KLHL32: variants seen among roughly 807,000 people sequenced by gnomAD.
KLHL32 encodes the protein kelch like family member 32, also known as kelch-like protein 32.
A neutral mutation model predicts 64.8 loss-of-function variants in KLHL32; 35 were observed. The ratio of observed to expected loss-of-function variants is 0.54; its 90% CI spans 0.41 to 0.72. The LOEUF (loss-of-function observed/expected upper bound fraction) is 0.72. Ranked by LOEUF, KLHL32 falls within the 30% of genes least tolerant of loss-of-function variation. The probability of loss-of-function intolerance (pLI) is 0.00; values close to 1 mark genes in which losing one functional copy is unlikely to be tolerated. For synonymous variants in KLHL32, 259 were observed against 281.0 expected (o/e 0.92, Z 0.78); for missense variants, 589 against 768.5 (o/e 0.77, Z 2.76).
the KLHL32 span, among the ~76,000 whole-genome samples, chr6:96,912,127 C>G: frequency 0.2 from 31,090 of 151,894 alleles, 3,676 homozygotes; most frequent in East Asian, 0.35. Flanking sequence ...TCTCCTGTGT[C>G]CCTTAGCTCA....
At chr6:97,017,693 T>G (rs897511674) in intron 3 of KLHL32, among the ~76,000 whole-genome samples, 2 of 152,146 alleles carry the variant, frequency 1.3e-5, no homozygotes, top group Non-Finnish European at 2.9e-5. Context: ...GGCTTGGAAA[T>G]TCTTCTCAGC....
intron 5 of KLHL32, among the ~76,000 whole-genome samples, chr6:97,075,195 C>T (rs550733112): frequency 1.2e-4 from 18 of 152,236 alleles, no homozygotes; most frequent in Middle Eastern, 3.4e-3. Flanking sequence ...TGCAAGACTC[C>T]AAAAATTAGA....
At chr6:96,949,859 T>C (rs1348942206) in intron 1 of KLHL32, among the ~76,000 whole-genome samples, 1 of 152,142 alleles carries the variant, frequency 6.6e-6, no homozygotes, top group Admixed American at 6.6e-5. Context: ...CACTAATAAC[T>C]GGAATTAAAT....
the KLHL32 span, among the ~76,000 whole-genome samples, chr6:96,917,271 G>C: frequency 6.6e-6 from 1 of 152,122 alleles, no homozygotes; most frequent in African/African-American, 2.4e-5. Flanking sequence ...CTTCCTCCCT[G>C]TCACTTCCTC....
chr6:97,001,682 A>G (rs1333271227), intron 3 of KLHL32, among the ~76,000 whole-genome samples: 1 of 152,190 alleles, frequency 6.6e-6, no homozygotes, highest in African/African-American at 2.4e-5. Flanking sequence ...ATTGCCCAAT[A>G]CTGAACTATT....
At chr6:96,911,849 T>TTTTTTTTTTTTTTTTC in the KLHL32 span, among the ~76,000 whole-genome samples, 1 of 107,712 alleles carries the variant, frequency 9.3e-6, no homozygotes, top group African/African-American at 2.9e-5. Flanking sequence ...TTTTTTTTTT[T>TTTTTTTTTTTTTTTTC]TTGGCAGCTG....
intron 3 of KLHL32, among the ~76,000 whole-genome samples, chr6:96,996,005 T>TAGCAA (rs1778380051): frequency 2.0e-5 from 3 of 152,198 alleles, no homozygotes; most frequent in Non-Finnish European, 4.4e-5. Context: ...GCAAGAGAAA[T>TAGCAA]GAGGGGCCTC....
chr6:96,986,281 T>G (rs1297625174), intron 3 of KLHL32, among the ~76,000 whole-genome samples: 2 of 152,096 alleles, frequency 1.3e-5, no homozygotes, highest in Non-Finnish European at 2.9e-5. Context: ...AGTCTGCCCC[T>G]AATGGGGGGG....
At chr6:96,987,143 A>G (rs981258316) in intron 3 of KLHL32, among the ~76,000 whole-genome samples, 2 of 151,906 alleles carry the variant, frequency 1.3e-5, no homozygotes, top group Non-Finnish European at 2.9e-5. Flanking sequence ...AATTTTGTTG[A>G]TCTTTTCAAA....
intron 10 of KLHL32, among the ~76,000 whole-genome samples, chr6:97,137,284 A>T (rs933220144): frequency 6.6e-6 from 1 of 152,224 alleles, no homozygotes; most frequent in Non-Finnish European, 1.5e-5. Flanking sequence ...ACAACTGTAA[A>T]TGTGACACTG....
Position 96,990,419 on chromosome 6 carries a change from G to T in KLHL32, c.204+14242G>T, listed in dbSNP as rs554175957. Reference sequence around the variant, plus strand: ...CAGTAAATGGTGCTTAAGTATAATGGTAAGTTCTTGCTCAACCACGTGGCT... The same window carrying T: ...CAGTAAATGGTGCTTAAGTATAATGTTAAGTTCTTGCTCAACCACGTGGCT... On this transcript the variant is annotated intron_variant, in intron 3 of 10. Transcript: ENST00000369261. Among the ~76,000 whole-genome samples, 7 of 152,296 alleles carry T rather than the reference G, an allele frequency of 4.6e-5. No individual in the cohort carries two copies. The South Asian group carries it at 1.2e-3, about 27-fold the overall frequency.
At chr6:97,031,968 C>A (rs1458111004) in intron 3 of KLHL32, among the ~76,000 whole-genome samples, 2 of 152,164 alleles carry the variant, frequency 1.3e-5, no homozygotes, top group Non-Finnish European at 2.9e-5. Flanking sequence ...CTATGTGCCA[C>A]ATATTATGCC....
At chr6:96,965,543 C>G (rs932460424) in intron 1 of KLHL32, among the ~76,000 whole-genome samples, 3 of 152,202 alleles carry the variant, frequency 2.0e-5, no homozygotes, top group Non-Finnish European at 2.9e-5. Context: ...TTTAAAAACA[C>G]TGGACTTTCA....
chr6:97,013,440 G>A (rs1780677122), intron 3 of KLHL32, among the ~76,000 whole-genome samples: 1 of 152,108 alleles, frequency 6.6e-6, no homozygotes, highest in African/African-American at 2.4e-5. Context: ...TAATATAAGT[G>A]GCAGTGCTTA....
intron 4 of KLHL32, among the ~76,000 whole-genome samples, chr6:97,044,232 G>T (rs1401524802): frequency 6.6e-6 from 1 of 151,954 alleles, no homozygotes; most frequent in Non-Finnish European, 1.5e-5. Flanking sequence ...TGCTTTTTCT[G>T]AATCTATTCA....
At chr6:96,902,769 G>A in the KLHL32 span, among the ~76,000 whole-genome samples, 4 of 152,194 alleles carry the variant, frequency 2.6e-5, no homozygotes, top group African/African-American at 9.6e-5. Context: ...TCTGTGTATG[G>A]TGTAAGGAAG....
At chr6:97,117,117 C>T (rs1049311083) in intron 7 of KLHL32, among the ~76,000 whole-genome samples, 1 of 152,162 alleles carries the variant, frequency 6.6e-6, no homozygotes, top group African/African-American at 2.4e-5. Context: ...TGAATCTAAA[C>T]ATGAATAGGG....
chr6:97,061,686 C>T (rs1582890646), intron 4 of KLHL32, among the ~76,000 whole-genome samples: 2 of 152,176 alleles, frequency 1.3e-5, no homozygotes, highest in Admixed American at 6.5e-5. Context: ...TTAAATGCAG[C>T]TGTCTTAGTT....
chr6:97,051,062 T>A (rs2128136196), intron 4 of KLHL32, among the ~76,000 whole-genome samples: 1 of 152,316 alleles, frequency 6.6e-6, no homozygotes, highest in East Asian at 1.9e-4. Context: ...TTACAGCATT[T>A]ATAATCTTTT....
Sources: allele counts gnomAD v4.1 joint callset (sites outside exome capture counted in the v4.1 genomes callset), GRCh38; gene constraint gnomAD v4.1.1; transcripts MANE v1.5; gene names NCBI Gene and HGNC (gene_info 2026-07-23, HGNC 2026-07-21).